PDGFRL: variants seen among roughly 807,000 people sequenced by gnomAD.
PDGFRL encodes the protein platelet derived growth factor receptor like.
A neutral mutation model predicts 37.2 loss-of-function variants in PDGFRL; 46 were observed. The ratio of observed to expected loss-of-function variants is 1.24; its 90% CI spans 0.98 to 1.58. PDGFRL has a LOEUF of 1.58. Ranked by LOEUF, PDGFRL falls within the 40% of genes most tolerant of loss-of-function variation. The pLI is 0.00. For synonymous variants in PDGFRL, 251 were observed against 184.3 expected, an observed-to-expected ratio of 1.36 and a Z score of -2.93; for missense variants, 692 against 467.6, an observed-to-expected ratio of 1.48 and a Z score of -4.43.
chr8:17,586,661 C>G (rs182552925), intron 1 of PDGFRL, among the ~76,000 whole-genome samples: 74 of 148,878 alleles, frequency 5.0e-4, no homozygotes, highest in Admixed American at 3.1e-3. Flanking sequence ...ACAAATAGCA[C>G]TTAGCTAGCA....
At chr8:17,577,094 A>AAAAAAAAAAAAG, upstream of PDGFRL, 1 of 941,088 alleles carries the variant, frequency 1.1e-6, no homozygotes, top group African/African-American at 1.7e-5. Context: ...AAAAAAAAAA[A>AAAAAAAAAAAAG]AATTCCCCAA....
chr8:17,598,381 C>T (rs910374049), intron 2 of PDGFRL, among the ~76,000 whole-genome samples: 2 of 152,146 alleles, frequency 1.3e-5, no homozygotes, highest in East Asian at 1.9e-4. Flanking sequence ...AAAGAATAAA[C>T]CCCTTGAGGG....
intron 1 of PDGFRL, among the ~76,000 whole-genome samples, chr8:17,583,000 G>A (rs972106222): frequency 1.3e-5 from 2 of 152,140 alleles, no homozygotes; most frequent in East Asian, 1.9e-4. Context: ...CCAGATGGGC[G>A]AATAAGAGCA....
At chr8:17,637,615 C>G (rs7387595) in intron 5 of PDGFRL, among the ~76,000 whole-genome samples, 118,870 of 152,126 alleles carry the variant, frequency 0.78, 48,497 homozygotes, top group Non-Finnish European at 0.91. Context: ...CCTTCTTTCT[C>G]TGTCTTGTGA....
At chr8:17,640,563 A>G (rs528203568) in intron 5 of PDGFRL, among the ~76,000 whole-genome samples, 2 of 152,104 alleles carry the variant, frequency 1.3e-5, no homozygotes, top group Admixed American at 6.5e-5. Context: ...GTATCTAGCC[A>G]CCCAGCAGAG....
intron 3 of PDGFRL, among the ~76,000 whole-genome samples, chr8:17,626,534 C>T (rs1005086158): frequency 6.6e-6 from 1 of 152,172 alleles, no homozygotes; most frequent in African/African-American, 2.4e-5. Flanking sequence ...CAACCTAAAA[C>T]ACCATCTAAC....
At chr8:17,620,914 C>T in intron 2 of PDGFRL, 137 bp from the exon 3 acceptor site, 1 of 420,584 alleles carries the variant, frequency 2.4e-6, no homozygotes, top group South Asian at 1.2e-4. Context: ...ACAAGTCAAA[C>T]ACATTCTTAT....
intron 2 of PDGFRL, among the ~76,000 whole-genome samples, chr8:17,597,475 T>TGAA (rs1804078565): frequency 6.6e-6 from 1 of 152,136 alleles, no homozygotes; most frequent in African/African-American, 2.4e-5. Context: ...GAGCAATTAA[T>TGAA]GAAGAAGAAG....
At chr8:17,639,981 C>A (rs1805057127) in intron 5 of PDGFRL, among the ~76,000 whole-genome samples, 1 of 152,032 alleles carries the variant, frequency 6.6e-6, no homozygotes, top group African/African-American at 2.4e-5. Flanking sequence ...CTTTTAAATT[C>A]TTTTTTGTTT....
At chr8:17,625,367 G>T (rs1295010754) in intron 3 of PDGFRL, among the ~76,000 whole-genome samples, 2 of 151,892 alleles carry the variant, frequency 1.3e-5, no homozygotes, top group Non-Finnish European at 2.9e-5. Flanking sequence ...GTCCAGGAGG[G>T]TCTCGGTCTC....
chr8:17,615,315 AGT>A (rs35076150), intron 2 of PDGFRL, among the ~76,000 whole-genome samples: 1 of 151,500 alleles, frequency 6.6e-6, no homozygotes, highest in Non-Finnish European at 1.5e-5. Context: ...GTGATTTGGG[AGT>A]GTGTGTGTGT....
chr8:17,604,477 T>C (rs890749097), intron 2 of PDGFRL, among the ~76,000 whole-genome samples: 2 of 151,740 alleles, frequency 1.3e-5, no homozygotes, highest in African/African-American at 2.4e-5. Flanking sequence ...CAGCAAACTG[T>C]CGTAAGGACA....
At chr8:17,594,115 G>T (rs535807790) in intron 2 of PDGFRL, among the ~76,000 whole-genome samples, 70 of 144,926 alleles carry the variant, frequency 4.8e-4, no homozygotes, top group African/African-American at 1.4e-3. Flanking sequence ...GGAACATGCA[G>T]CGTATTTGTT....
intron 1 of PDGFRL, among the ~76,000 whole-genome samples, chr8:17,582,988 T>A (rs1158110137): frequency 6.6e-6 from 1 of 152,036 alleles, no homozygotes. Flanking sequence ...CCAGGTGTGG[T>A]TCCAGATGGG....
chr8:17,626,041 C>T (rs530065689), intron 3 of PDGFRL, among the ~76,000 whole-genome samples: 28 of 152,200 alleles, frequency 1.8e-4, no homozygotes, highest in Non-Finnish European at 2.1e-4. Flanking sequence ...TAAATTCACA[C>T]GGTTCACTTA....
chr8:17,621,927 T>C (rs1419803521), intron 3 of PDGFRL, among the ~76,000 whole-genome samples: 2 of 152,148 alleles, frequency 1.3e-5, no homozygotes, highest in Non-Finnish European at 2.9e-5. Context: ...CCTGCTTCGG[T>C]CTCCCAAATT....
Position 17,628,739 on chromosome 8 carries a change from G to A in PDGFRL, c.758G>A (p.Arg253Lys), listed in dbSNP as rs953448248. 1 of 1,614,132 alleles carries A rather than the reference G, an allele frequency of 6.2e-7. No homozygotes were observed. Among genetic ancestry groups the A allele is most frequent in the South Asian group, 1.1e-5 (1 of 91,082 alleles). ...TACTGCAGGGCGGAGGCCGGGGGCA[G>A]ATCTCAGATCTCCGTCAAGTACCAG... Reference protein sequence around the residue: ...VVYCRAEAGGRSQISVKYQLL... With the variant: ...VVYCRAEAGGKSQISVKYQLL... Residue 253 changes from arginine to lysine, a missense_variant, in exon 4 of 6, where the codon AGA becomes AAA. Transcript: ENST00000251630.
intron 2 of PDGFRL, among the ~76,000 whole-genome samples, chr8:17,599,888 A>T (rs1396908752): frequency 6.6e-6 from 1 of 152,048 alleles, no homozygotes; most frequent in Non-Finnish European, 1.5e-5. Flanking sequence ...CGTGCCCTGG[A>T]TCTCATCTCT....
At chr8:17,638,610 T>C (rs1448810509) in intron 5 of PDGFRL, among the ~76,000 whole-genome samples, 1 of 151,356 alleles carries the variant, frequency 6.6e-6, no homozygotes, top group Non-Finnish European at 1.5e-5. Flanking sequence ...TGATGTTCTG[T>C]CTTGATTACC....
Sources: allele counts gnomAD v4.1 joint callset (sites outside exome capture counted in the v4.1 genomes callset), GRCh38; gene constraint gnomAD v4.1.1; transcripts MANE v1.5; gene names NCBI Gene and HGNC (gene_info 2026-07-23, HGNC 2026-07-21).